Variants in ZNF311 observed in about 807,000 individuals in gnomAD.
The protein encoded by ZNF311 is zinc finger protein 311.
A neutral mutation model predicts 22.7 loss-of-function variants in ZNF311; 14 were observed. That is an observed-to-expected ratio of 0.62 (90% CI 0.41 to 0.96). The LOEUF (loss-of-function observed/expected upper bound fraction) is 0.96. Ranked by LOEUF, ZNF311 falls within the 40% of genes least tolerant of loss-of-function variation. The probability of loss-of-function intolerance (pLI) is 0.00; values close to 1 mark genes in which losing one functional copy is unlikely to be tolerated. For missense variants in ZNF311, 731 were observed against 799.0 expected, an observed-to-expected ratio of 0.91 and a Z score of 1.03; for synonymous variants, 250 against 275.3, an observed-to-expected ratio of 0.91 and a Z score of 0.91.
rs1441216087 is a variant in ZNF311, at chr6:28,995,306, G to T, written c.1696C>A (p.His566Asn). 14 of 1,613,784 alleles carry T rather than the reference G, an allele frequency of 8.7e-6. No individual in the cohort carries two copies. The highest frequency in any genetic ancestry group is 1.2e-5 in the Non-Finnish European group (14 of 1,180,038). Residue 566 changes from histidine to asparagine, a missense_variant, in exon 7 of 7, where the codon CAT becomes AAT. Transcript: ENST00000377179. The surrounding 1 kb of genome is among the most constrained non-coding windows in gnomAD (Gnocchi z 4.7). ...TTGTGCTGCCTCAGGACTGAACTAT[G>T]ATGGAAGGCCATTCCACATACCTCA... ...KCEVCGMAFH[H>N]SSVLRQHKRI...
chr6:29,003,567 G>A lies in ZNF311; in HGVS notation c.37C>T (p.Pro13Ser). 1.2e-6 allele frequency: 2 copies of A among 1,612,984 alleles called. No homozygotes were observed. Residue 13 changes from proline (P) to serine (S), a missense_variant, in exon 3 of 7, where the codon CCA (proline) becomes TCA (serine). Physicochemically the swap from Pro to Ser is moderately conservative, Grantham distance 74. Coordinates refer to ENST00000377179, the MANE Select transcript of ZNF311 (RefSeq NM_001382360.1). ...EVVLLDESSGPPSQLLWTRQD... is the reference protein window; with the variant it reads ...EVVLLDESSGSPSQLLWTRQD... The stretch of plus-strand genomic sequence containing the variant: ...CGGGTCCAAAGCAGCTGGCTTGGTG[G>A]TCCTGAACTCTCATCCAACAGCACA...
intron 2 of ZNF311, 85 bp from the exon 3 acceptor site, chr6:29,003,679 T>C (rs1321736886): frequency 3.3e-6 from 5 of 1,502,368 alleles, no homozygotes; most frequent in Non-Finnish European, 4.6e-6. Context: ...TACAGGTCTA[T>C]CCACAGAAAC....
chr6:28,998,711 C>A (rs1438455074), intron 6 of ZNF311, 23 bp downstream of exon 6: 3 of 1,528,168 alleles, frequency 2.0e-6, no homozygotes, highest in African/African-American at 1.4e-5. Context: ...TCAGAGGGAA[C>A]TGAAAGTTTC....
At position 28,999,962 on chromosome 6, in the gene ZNF311, C is replaced by T. The variant is rs779919893; in HGVS notation, c.177G>A (p.Gln59=). The T allele has an allele frequency of 6.2e-7, 1 of 1,613,016 alleles. No individual in the cohort carries two copies. The highest frequency in any genetic ancestry group is 2.2e-5 in the East Asian group (1 of 44,882). ...GAAAGGGGCCTCAGCTCACTTGGGC[C>T]TGGCTCATTAGTGTGATATCTGCTT... ...LPQADITLMS[Q]AQESVTFEDV... is the part of the protein sequence containing the mutation. The change falls in exon 4 of 7, where the codon CAG becomes CAA. Residue 59 remains glutamine (Q), a synonymous_variant. Coordinates refer to ENST00000377179, the MANE Select transcript of ZNF311 (RefSeq NM_001382360.1).
rs781339935 is a variant in ZNF311 at position 28,994,965 on chromosome 6, T to C, written c.*36A>G. 1.9e-6 allele frequency: 3 copies of C among 1,540,312 alleles called. No individual in the cohort carries two copies. Among genetic ancestry groups the C allele is most frequent in the East Asian group, 4.5e-5 (2 of 44,394 alleles). ...GAGACAGAAGGACCAGCCTAAGAGGTAGGAAAAACAGAAAGTAACACCAGA... is the reference window on the plus strand; with the variant it reads ...GAGACAGAAGGACCAGCCTAAGAGGCAGGAAAAACAGAAAGTAACACCAGA... On this transcript the variant is annotated 3_prime_UTR_variant, in exon 7 of 7. Transcript: ENST00000377179.
intron 6 of ZNF311, among the ~76,000 whole-genome samples, chr6:28,997,702 T>C (rs1779815835): frequency 6.6e-6 from 1 of 152,214 alleles, no homozygotes; most frequent in Non-Finnish European, 1.5e-5. Flanking sequence ...AAGTAAAGCA[T>C]ACGGTCAAGA....
chr6:29,000,163 G>A, intron 3 of ZNF311, 116 bp from the exon 4 acceptor site: 1 of 937,180 alleles, frequency 1.1e-6, no homozygotes, highest in Admixed American at 2.2e-5. Context: ...TAGGGCTTTA[G>A]GCTACTGCCT....
Position 28,995,640 on chromosome 6 carries a change from G to A in ZNF311, c.1362C>T (p.Ile454=), listed in dbSNP as rs1316040843. Residue 454 remains isoleucine, a synonymous_variant, in exon 7 of 7, where the codon ATC becomes ATT. Coordinates refer to ENST00000377179, the MANE Select transcript of ZNF311 (RefSeq NM_001382360.1). The surrounding 1 kb of genome is among the most constrained non-coding windows in gnomAD (Gnocchi z 4.7). ...GCPQCGKDFS[I]KAELTKHRRI... Reference sequence around the variant, plus strand: ...TTCTGTGTTTGGTGAGTTCTGCCTTGATGCTGAAGTCTTTTCCACACTGGG... The same window carrying A: ...TTCTGTGTTTGGTGAGTTCTGCCTTAATGCTGAAGTCTTTTCCACACTGGG... The A allele has an allele frequency of 6.2e-7, 1 of 1,613,426 alleles. No homozygotes were observed. The highest frequency in any genetic ancestry group is 1.1e-5 in the South Asian group (1 of 91,080).
intron 2 of ZNF311, 176 bp from the exon 3 acceptor site, chr6:29,003,770 A>G: frequency 6.8e-7 from 1 of 1,461,442 alleles, no homozygotes; most frequent in Non-Finnish European, 9.4e-7. Flanking sequence ...AATGGCATCT[A>G]CAACTACAAA....
chr6:28,998,869 G>GTAACTTATAACTTAA (rs771392758), intron 5 of ZNF311, 31 bp from the exon 6 acceptor site: 1 of 1,497,434 alleles, frequency 6.7e-7, no homozygotes, highest in Non-Finnish European at 9.3e-7. Context: ...AGTGTGTAGA[G>GTAACTTATAACTTAA]TAACTTATAA....
At position 29,005,280 on chromosome 6, in the gene ZNF311, A is replaced by G. The variant is rs908469262; in HGVS notation, c.-533T>C. On this transcript the variant is annotated 5_prime_UTR_variant, in exon 1 of 7. Transcript: ENST00000377179. The stretch of plus-strand genomic sequence containing the variant: ...GATGCTGTAGAGAAGAATAAAAAGA[A>G]TGGGTCAGGAGGCGACAAGAGCAAG... The G allele has an allele frequency of 6.7e-6, 1 of 148,318 alleles. No homozygotes were observed. The highest frequency in any genetic ancestry group is 2.5e-5 in the African/African-American group (1 of 39,738). 9.2% of individuals were successfully genotyped at this position (148,318 alleles called of 1,614,324 possible).
intron 1 of ZNF311, 68 bp from the exon 2 acceptor site, chr6:29,004,282 G>C: frequency 8.5e-7 from 1 of 1,173,820 alleles, no homozygotes; most frequent in East Asian, 3.4e-5. Flanking sequence ...CTGAGAACCT[G>C]AGGCACGAAG....
chr6:29,001,762 T>C (rs1332195389), intron 3 of ZNF311, among the ~76,000 whole-genome samples: 1 of 152,240 alleles, frequency 6.6e-6, no homozygotes, highest in Non-Finnish European at 1.5e-5. Flanking sequence ...CACATACTTA[T>C]CCATTTATCT....
In ZNF311 at chr6:28,995,482, G is replaced by A. The variant is rs776688965; in HGVS notation, c.1520C>T (p.Thr507Ile). Residue 507 changes from threonine (T) to isoleucine (I), a missense_variant, in exon 7 of 7, where the codon ACC becomes ATC. Transcript: ENST00000377179. This position sits in a 1 kb window ranked among gnomAD's most constrained non-coding sequence, Gnocchi z 4.7. ...KPYQCRDCGK[T>I]FQDKHCLTIH... ...GGTAAGGCAGTGCTTATCTTGGAAG[G>A]TTTTCCCACAATCCCTGCATTGATA... The A allele has an allele frequency of 4.3e-6, 7 of 1,613,082 alleles. 1 individual carries two copies. In the South Asian group the frequency reaches 6.6e-5, roughly 15 times the overall value.
rs1480773110 is a variant in ZNF311, at chr6:28,994,818, T to C, written c.*183A>G. 1.6e-5 allele frequency: 10 copies of C among 639,250 alleles called. No homozygotes were observed. The allele number at this position is 639,250 out of a possible 1,614,324, so 39.6% of individuals were successfully genotyped here. ...ATAAGTGTTTATTAATATTAGGAAG[T>C]GATTGATAAACTCTTGGAAGTAAAT... On this transcript the variant is annotated 3_prime_UTR_variant, in exon 7 of 7. Transcript: ENST00000377179.
In ZNF311 at chr6:29,004,164, T is replaced by A. The variant is rs1054165723; in HGVS notation, c.-210A>T. 3.4e-5 allele frequency: 50 copies of A among 1,451,150 alleles called. No homozygotes were observed. In the African/African-American group the frequency reaches 6.7e-4, roughly 19 times the overall value. 89.9% of individuals were successfully genotyped at this position (1,451,150 alleles called of 1,614,324 possible). ...TTAATGTGTCAAACACTGCCCTGGA[T>A]TTGGGGTTCATTAGCAACACTAAAC... On this transcript the variant is annotated 5_prime_UTR_variant, in exon 2 of 7. Coordinates refer to ENST00000377179, the MANE Select transcript of ZNF311 (RefSeq NM_001382360.1).
chr6:29,003,479 C>T lies in ZNF311; in HGVS notation c.91+34G>A, dbSNP rs545605810. The T allele has an allele frequency of 2.2e-4, 351 of 1,606,188 alleles. 2 individuals are homozygous for T. The highest frequency in any genetic ancestry group is 9.9e-4 in the Middle Eastern group (6 of 6,052). ...GTGTCCTTACTACATTCTCAGCTGC[C>T]GTGACTCCTGCCACAATCTCCTGTG... On this transcript the variant is annotated intron_variant, in intron 3 of 6. Transcript: ENST00000377179.
chr6:29,000,101 T>C, intron 3 of ZNF311, 54 bp from the exon 4 acceptor site: 1 of 1,519,786 alleles, frequency 6.6e-7, no homozygotes, highest in Non-Finnish European at 9.0e-7. Flanking sequence ...TAATGAAATC[T>C]CCTGCATTCG....
In ZNF311 at chr6:29,005,162, T is replaced by C. The variant is rs1005462690; in HGVS notation, c.-415A>G. On this transcript the variant is annotated 5_prime_UTR_variant, in exon 1 of 7. Transcript: ENST00000377179. ...TCCATGAGGGCAGGAATTTTTGTCG[T>C]CTTGTTCACAGTTGTATTCTCAACG... 3.9e-5 allele frequency: 6 copies of C among 152,258 alleles called. No individual in the cohort carries two copies. Among genetic ancestry groups the C allele is most frequent in the African/African-American group, 1.4e-4 (6 of 41,554 alleles). 9.4% of individuals were successfully genotyped at this position (152,258 alleles called of 1,614,324 possible). A position where few individuals can be genotyped will look rare whatever the true frequency, so the allele number is the denominator to read the frequency against.
Sources: allele counts gnomAD v4.1 joint callset (sites outside exome capture counted in the v4.1 genomes callset), GRCh38; gene constraint gnomAD v4.1.1; non-coding constraint Gnocchi (gnomAD v3.1); transcripts MANE v1.5; gene names NCBI Gene and HGNC (gene_info 2026-07-23, HGNC 2026-07-21).